Variants in NEDD4 observed in about 807,000 individuals in gnomAD.
NEDD4 encodes the protein E3 ubiquitin-protein ligase NEDD4.
NEDD4 carries 99 observed loss-of-function variants against 144.9 expected under a neutral mutation model. That is an observed-to-expected ratio of 0.68 (90% CI 0.58 to 0.81). NEDD4 has a LOEUF of 0.81. Among genes scored for constraint, NEDD4 ranks in the 30% least tolerant of loss-of-function variants. The pLI is 0.00. For synonymous variants in NEDD4, 318 were observed against 350.6 expected (o/e 0.91, Z 1.04); for missense variants, 985 against 1,065.9 (o/e 0.92, Z 1.06).
chr15:55,895,337 C>T (rs1271539045), intron 5 of NEDD4, among the ~76,000 whole-genome samples: 1 of 152,196 alleles, frequency 6.6e-6, no homozygotes, highest in African/African-American at 2.4e-5. Context: ...GAAATGAAAT[C>T]AGCAGACGAC....
intron 2 of NEDD4, among the ~76,000 whole-genome samples, chr15:55,961,194 C>G (rs569215361): frequency 6.6e-6 from 1 of 152,246 alleles, no homozygotes; most frequent in South Asian, 2.1e-4. Context: ...AGGGCACTTG[C>G]CTAAGAATAC....
At position 55,829,288 on chromosome 15, in the gene NEDD4, GAGTT is replaced by G. The variant is rs1198570778; in HGVS notation, c.*605_*608del. ...GTGAAGAAGTAAACAGTTTTTCTGT[GAGTT>G]AGTTGGCTAGAAATATAGGTAACAC... On this transcript the variant is annotated 3_prime_UTR_variant, in exon 29 of 29. Transcript: ENST00000435532. 3 of 152,182 alleles carry G rather than the reference GAGTT, an allele frequency of 2.0e-5. No individual in the cohort carries two copies. Among genetic ancestry groups the G allele is most frequent in the Non-Finnish European group, 4.4e-5 (3 of 68,040 alleles). The allele number at this position is 152,182 out of a possible 1,614,324, so 9.4% of individuals were successfully genotyped here.
At position 55,982,195 on chromosome 15, in the gene NEDD4, T is replaced by C. The variant is rs148749138; in HGVS notation, c.45+11316A>G. Among the ~76,000 whole-genome samples the C allele has an allele frequency of 8.6e-3, 1,314 of 152,266 alleles. 21 individuals carry two copies. Among genetic ancestry groups the C allele is most frequent in the African/African-American group, 0.03 (1,267 of 41,548 alleles). On this transcript the variant is annotated intron_variant, in intron 1 of 28. Coordinates refer to ENST00000435532, the MANE Select transcript of NEDD4 (RefSeq NM_006154.4). ...ATGGGAGATTAAAATGGTACAATCG[T>C]GTTGGGAGACTGTTAGGCAGTTTCT...
Position 55,830,550 on chromosome 15 carries a change from C to G in NEDD4, c.2564G>C (p.Trp855Ser). 1.2e-6 allele frequency: 2 copies of G among 1,614,130 alleles called. No individual in the cohort carries two copies. Among genetic ancestry groups the G allele is most frequent in the Non-Finnish European group, 1.7e-6 (2 of 1,179,984 alleles). ...NGPQSFTVEQ[W>S]GTPEKLPRAH... ...TCTTGGCAGCTTTTCAGGAGTACCC[C>G]ACTGTTCAACTGTAAATGACTGTGG... is the stretch of plus-strand genomic sequence containing the variant. The change falls in exon 28 of 29, where the codon TGG becomes TCG. Residue 855 changes from tryptophan (W) to serine (S), a missense_variant. Coordinates refer to ENST00000435532, the MANE Select transcript of NEDD4 (RefSeq NM_006154.4).
At chr15:55,886,533 G>A (rs1461931565) in intron 5 of NEDD4, among the ~76,000 whole-genome samples, 11 of 152,154 alleles carry the variant, frequency 7.2e-5, no homozygotes, top group Admixed American at 2.0e-4. Context: ...TTGGGAGGCC[G>A]AGGTGGGTGG....
At chr15:55,923,534 C>A (rs1399693990) in intron 5 of NEDD4, among the ~76,000 whole-genome samples, 1 of 151,530 alleles carries the variant, frequency 6.6e-6, no homozygotes, top group East Asian at 1.9e-4. Flanking sequence ...GTGGTCCCAG[C>A]TACTAGGGAG....
chr15:55,882,569 T>C (rs565452650), intron 5 of NEDD4, among the ~76,000 whole-genome samples: 1 of 152,306 alleles, frequency 6.6e-6, no homozygotes, highest in Admixed American at 6.5e-5. Flanking sequence ...TCTGGGGTTC[T>C]AAATAAACTT....
At chr15:55,932,866 A>G (rs1276563058) in intron 4 of NEDD4, among the ~76,000 whole-genome samples, 3 of 152,268 alleles carry the variant, frequency 2.0e-5, no homozygotes, top group Non-Finnish European at 4.4e-5. Flanking sequence ...GGCAAAGGAT[A>G]TGCACAGACA....
At chr15:55,919,104 T>G (rs2036523300) in intron 5 of NEDD4, among the ~76,000 whole-genome samples, 1 of 152,156 alleles carries the variant, frequency 6.6e-6, no homozygotes, top group Non-Finnish European at 1.5e-5. Context: ...TAAGCATCAG[T>G]TCCATGTCCC....
At chr15:55,891,234 T>C (rs536781009) in intron 5 of NEDD4, among the ~76,000 whole-genome samples, 1 of 152,308 alleles carries the variant, frequency 6.6e-6, no homozygotes, top group South Asian at 2.1e-4. Flanking sequence ...TGATCCCAAA[T>C]AGCTGTATTT....
intron 24 of NEDD4, 87 bp from the exon 25 acceptor site, chr15:55,834,373 C>T (rs893073026): frequency 9.3e-5 from 71 of 764,234 alleles, no homozygotes; most frequent in Admixed American, 2.1e-4. Context: ...TGGAGGAATC[C>T]CACATCCACA....
chr15:55,903,547 G>A (rs1439683939), intron 5 of NEDD4, among the ~76,000 whole-genome samples: 5 of 152,080 alleles, frequency 3.3e-5, no homozygotes, highest in East Asian at 1.9e-4. Flanking sequence ...TACTGGGGCC[G>A]GGCAAGGTGG....
intron 26 of NEDD4, among the ~76,000 whole-genome samples, chr15:55,833,817 G>A (rs1267152052): frequency 6.6e-6 from 1 of 152,214 alleles, no homozygotes; most frequent in Non-Finnish European, 1.5e-5. Flanking sequence ...GTCTCAGCCT[G>A]TCATTCCACT....
At chr15:55,936,731 GT>G (rs1296244482) in intron 4 of NEDD4, among the ~76,000 whole-genome samples, 1 of 151,412 alleles carries the variant, frequency 6.6e-6, no homozygotes, top group Non-Finnish European at 1.5e-5. Flanking sequence ...CACCTAATGT[GT>G]TGCACTTTTT....
At chr15:55,906,521 C>A (rs1182466262) in intron 5 of NEDD4, among the ~76,000 whole-genome samples, 5 of 151,974 alleles carry the variant, frequency 3.3e-5, no homozygotes, top group African/African-American at 7.2e-5. Flanking sequence ...TCTCAGCAAA[C>A]TATCGCAGGG....
intron 11 of NEDD4, among the ~76,000 whole-genome samples, chr15:55,858,089 G>C (rs1423467654): frequency 3.3e-5 from 5 of 152,084 alleles, no homozygotes; most frequent in Non-Finnish European, 7.3e-5. Context: ...AAATTCTGGT[G>C]TAACAAACAC....
At chr15:55,929,635 T>G (rs1015009668) in intron 4 of NEDD4, among the ~76,000 whole-genome samples, 4 of 152,164 alleles carry the variant, frequency 2.6e-5, no homozygotes, top group African/African-American at 9.7e-5. Context: ...AAAATATAAA[T>G]GGTAACTAAA....
chr15:55,984,837 A>C (rs2037863979), intron 1 of NEDD4, among the ~76,000 whole-genome samples: 1 of 152,240 alleles, frequency 6.6e-6, no homozygotes, highest in East Asian at 1.9e-4. Flanking sequence ...AGAAGAAGTA[A>C]CATCAATTGC....
chr15:55,869,725 A>G lies in NEDD4; in HGVS notation c.405-44T>C, dbSNP rs1259657179. ...ATATTCATAAAACTTTAACACCGGG[A>G]GAAAAGTATTCAATTAATAAGAGTT... On this transcript the variant is annotated intron_variant, in intron 7 of 28. Transcript: ENST00000435532. 16 of 1,213,132 alleles carry G rather than the reference A, an allele frequency of 1.3e-5. No individual in the cohort carries two copies. In the East Asian group the frequency reaches 2.3e-4, roughly 17 times the overall value. 75.1% of individuals were successfully genotyped at this position (1,213,132 alleles called of 1,614,324 possible).
Sources: gnomAD v4.1 joint callset for allele counts (sites outside exome capture counted in the v4.1 genomes callset) on GRCh38, gnomAD v4.1.1 for gene constraint, MANE v1.5 for transcripts, NCBI Gene and HGNC (gene_info 2026-07-23, HGNC 2026-07-21) for gene names.